Variants in TBCEL observed in about 807,000 individuals in gnomAD.
TBCEL encodes tubulin folding cofactor E like.
TBCEL carries 15 observed loss-of-function variants against 44.2 expected under a neutral mutation model. That is an observed-to-expected ratio of 0.34 (90% CI 0.23 to 0.52). The LOEUF is 0.52. Ranked by LOEUF, TBCEL falls within the 20% of genes least tolerant of loss-of-function variation. TBCEL has a pLI of 0.95. For synonymous variants in TBCEL, 171 were observed against 185.4 expected, an observed-to-expected ratio of 0.92 and a Z score of 0.63; for missense variants, 319 against 506.3, an observed-to-expected ratio of 0.63 and a Z score of 3.55.
chr11:121,048,613 G>A (rs1049208787), intron 4 of TBCEL, among the ~76,000 whole-genome samples: 9 of 151,698 alleles, frequency 5.9e-5, no homozygotes, highest in Non-Finnish European at 1.2e-4. Flanking sequence ...GCTGTCTTCC[G>A]TAGTGCTACC....
Position 121,088,700 on chromosome 11 carries a change from G to A in TBCEL, c.*1604G>A, listed in dbSNP as rs1237877131. On this transcript the variant is annotated 3_prime_UTR_variant, in exon 9 of 9. Transcript: ENST00000683345. The stretch of plus-strand genomic sequence containing the variant: ...GGTGACTTGTAAATTCTTCATGTAT[G>A]AGGAGTTGTGTTTATTAATGCTACT... The A allele has an allele frequency of 2.6e-5, 4 of 152,134 alleles. No individual in the cohort carries two copies. The highest frequency in any genetic ancestry group is 9.7e-5 in the African/African-American group (4 of 41,436). The allele number at this position is 152,134 out of a possible 1,614,324, so 9.4% of individuals were successfully genotyped here. A position where few individuals can be genotyped will look rare whatever the true frequency, so the allele number is the denominator to read the frequency against.
intron 8 of TBCEL, among the ~76,000 whole-genome samples, chr11:121,067,639 G>A (rs1945844561): frequency 6.6e-6 from 1 of 152,142 alleles, no homozygotes; most frequent in Admixed American, 6.5e-5. Context: ...TTCTTTTAAA[G>A]CCGTCATCTG....
chr11:121,041,385 A>G lies in TBCEL; in HGVS notation c.-17-4289A>G, dbSNP rs563873561. On this transcript the variant is annotated intron_variant, in intron 2 of 8. Coordinates refer to ENST00000683345, the MANE Select transcript of TBCEL (RefSeq NM_001363644.2). ...CTCATATATTATTCTGACTTTTTCCAAGCACTTTACAAGAGTATATTATAG... is the reference window on the plus strand; with the variant it reads ...CTCATATATTATTCTGACTTTTTCCGAGCACTTTACAAGAGTATATTATAG... Among the ~76,000 whole-genome samples the G allele has an allele frequency of 2.0e-5, 3 of 152,272 alleles. No individual in the cohort carries two copies. The South Asian group carries it at 6.2e-4, about 32-fold the overall frequency.
intron 1 of TBCEL, among the ~76,000 whole-genome samples, chr11:121,029,599 C>T (rs978347144): frequency 3.3e-5 from 5 of 152,202 alleles, no homozygotes; most frequent in African/African-American, 9.6e-5. Context: ...CAGTGCTCTT[C>T]TAAAAATGAA....
At chr11:121,052,629 G>T (rs947401298) in intron 4 of TBCEL, among the ~76,000 whole-genome samples, 8 of 151,686 alleles carry the variant, frequency 5.3e-5, no homozygotes, top group Non-Finnish European at 7.4e-5. Context: ...GATCCTTCTC[G>T]CAGATTGTGC....
intron 4 of TBCEL, among the ~76,000 whole-genome samples, chr11:121,052,952 G>A (rs896883312): frequency 2.0e-5 from 3 of 151,316 alleles, no homozygotes; most frequent in Non-Finnish European, 3.0e-5. Context: ...TAGCTAAATC[G>A]TTGATAATCT....
chr11:121,075,619 T>G (rs757026003), intron 8 of TBCEL, among the ~76,000 whole-genome samples: 3 of 151,954 alleles, frequency 2.0e-5, no homozygotes, highest in Non-Finnish European at 2.9e-5. Flanking sequence ...ATGAATACAG[T>G]ATGTCTCTCT....
intron 8 of TBCEL, among the ~76,000 whole-genome samples, chr11:121,085,979 T>C (rs1422284733): frequency 6.6e-6 from 1 of 152,226 alleles, no homozygotes; most frequent in African/African-American, 2.4e-5. Flanking sequence ...AAAACTAATA[T>C]TAATTTTTTT....
intron 4 of TBCEL, among the ~76,000 whole-genome samples, chr11:121,050,264 A>C (rs1163415532): frequency 4.6e-5 from 7 of 151,742 alleles, no homozygotes; most frequent in Non-Finnish European, 1.0e-4. Flanking sequence ...TCTGATTACC[A>C]AAAAGATAAT....
chr11:121,073,594 T>G (rs2134997186), intron 8 of TBCEL, among the ~76,000 whole-genome samples: 1 of 152,056 alleles, frequency 6.6e-6, no homozygotes, highest in Non-Finnish European at 1.5e-5. Context: ...TTTTTTTTCT[T>G]GGATATGACC....
At chr11:121,032,750 T>C (rs981380760) in intron 1 of TBCEL, among the ~76,000 whole-genome samples, 1 of 152,176 alleles carries the variant, frequency 6.6e-6, no homozygotes, top group African/African-American at 2.4e-5. Flanking sequence ...GAAAGGACAC[T>C]TGTTTATATT....
intron 8 of TBCEL, among the ~76,000 whole-genome samples, chr11:121,080,810 T>A (rs1208532769): frequency 6.6e-6 from 1 of 151,770 alleles, no homozygotes; most frequent in Non-Finnish European, 1.5e-5. Flanking sequence ...GAATCAAGAG[T>A]GAGGATTGGC....
At chr11:121,027,626 G>C (rs1945069543) in intron 1 of TBCEL, among the ~76,000 whole-genome samples, 1 of 152,110 alleles carries the variant, frequency 6.6e-6, no homozygotes, top group Admixed American at 6.6e-5. Flanking sequence ...AATTATCCCT[G>C]AAAGTCTGCA....
intron 8 of TBCEL, among the ~76,000 whole-genome samples, chr11:121,061,909 G>A (rs1383844576): frequency 6.6e-6 from 1 of 151,794 alleles, no homozygotes; most frequent in Non-Finnish European, 1.5e-5. Context: ...ATCAACCTTA[G>A]CTTAGTTTAA....
intron 5 of TBCEL, 110 bp from the exon 6 acceptor site, chr11:121,054,942 A>T: frequency 9.0e-7 from 1 of 1,109,858 alleles, no homozygotes; most frequent in Non-Finnish European, 1.2e-6. Context: ...AATTCCTAGC[A>T]GAGTCTCACA....
chr11:121,052,181 A>C (rs1022519583), intron 4 of TBCEL, among the ~76,000 whole-genome samples: 11 of 151,870 alleles, frequency 7.2e-5, no homozygotes, highest in Non-Finnish European at 1.3e-4. Context: ...TACATTTATT[A>C]AATGATTTTT....
intron 8 of TBCEL, among the ~76,000 whole-genome samples, chr11:121,074,727 A>G (rs868163159): frequency 6.6e-6 from 1 of 151,248 alleles, no homozygotes; most frequent in Non-Finnish European, 1.5e-5. Context: ...ATACTCCTCA[A>G]CCCTTCTTCC....
intron 8 of TBCEL, among the ~76,000 whole-genome samples, chr11:121,061,393 A>G (rs1277947606): frequency 2.0e-5 from 3 of 151,634 alleles, no homozygotes; most frequent in African/African-American, 7.3e-5. Flanking sequence ...ACATACACAT[A>G]TATATATATA....
In TBCEL at chr11:121,058,356, T is replaced by G. The variant is rs1945659799; in HGVS notation, c.724T>G (p.Trp242Gly). ...TGTTCTCAAATTAGGTTTGCAGTCC[T>G]GGGAAGACATTGATAAACTAAATTC... is the stretch of plus-strand genomic sequence containing the variant. ...ISLHKSGLQS[W>G]EDIDKLNSFP... The change falls in exon 7 of 9, where the codon TGG becomes GGG. Residue 242 changes from tryptophan to glycine, a missense_variant. By Grantham distance (184) the Trp-to-Gly change is radical. Transcript: ENST00000683345. 1 of 1,611,418 alleles carries G rather than the reference T, an allele frequency of 6.2e-7. No individual in the cohort carries two copies.
Sources: gnomAD v4.1 joint callset for allele counts (sites outside exome capture counted in the v4.1 genomes callset) on GRCh38, gnomAD v4.1.1 for gene constraint, MANE v1.5 for transcripts, NCBI Gene and HGNC (gene_info 2026-07-23, HGNC 2026-07-21) for gene names.